STAB1: variants seen among roughly 807,000 people sequenced by gnomAD.
STAB1 encodes stabilin 1, also known as stabilin-1.
Under a neutral mutation model 332.4 loss-of-function variants are expected in STAB1, and 250 were observed. That is an observed-to-expected ratio of 0.75 (90% CI 0.68 to 0.84). The LOEUF is 0.84. Among genes scored for constraint, STAB1 ranks in the 40% least tolerant of loss-of-function variants. The pLI, the probability that STAB1 is intolerant of heterozygous loss-of-function variation, is 0.00. For missense variants in STAB1, 3,249 were observed against 3,489.7 expected (o/e 0.93, Z 1.74); for synonymous variants, 1,475 against 1,390.4 (o/e 1.06, Z -1.35).
intron 26 of STAB1, 89 bp downstream of exon 26, chr3:52,511,834 G>A: frequency 6.7e-6 from 7 of 1,051,018 alleles, no homozygotes; most frequent in Non-Finnish European, 6.8e-6. Context: ...ATCTCTGGGT[G>A]TCTCTCTGTA....
rs1341689998 is a variant in STAB1, at chr3:52,505,161, C to T, written c.1518+18C>T. The T allele has an allele frequency of 6.2e-7, 1 of 1,611,636 alleles. No homozygotes were observed. The highest frequency in any genetic ancestry group is 8.5e-7 in the Non-Finnish European group (1 of 1,179,202). On this transcript the variant is annotated intron_variant, in intron 13 of 68. Coordinates refer to ENST00000321725, the MANE Select transcript of STAB1 (RefSeq NM_015136.3). Reference sequence around the variant, plus strand: ...ATCCCAAGGTGAGCCAGCATCCTCCCCTCCCCTCCCCTGTGCTGCTGGGTA... The same window carrying T: ...ATCCCAAGGTGAGCCAGCATCCTCCTCTCCCCTCCCCTGTGCTGCTGGGTA...
Position 52,518,615 on chromosome 3 carries a change from T to C in STAB1, c.4887+2T>C. The C allele has an allele frequency of 6.2e-7, 1 of 1,608,006 alleles. No individual in the cohort carries two copies. Among genetic ancestry groups the C allele is most frequent in the Non-Finnish European group, 8.5e-7 (1 of 1,177,708 alleles). On this transcript the variant is annotated splice_donor_variant, in intron 47 of 68. Coordinates refer to ENST00000321725, the MANE Select transcript of STAB1 (RefSeq NM_015136.3). LOFTEE classifies it high-confidence loss of function. Reference sequence around the variant, plus strand: ...GATCTAATGAGCAACCTGTCGCAGGTATGCAGCCCCCAGAGCGAGGCTGGG... The same window carrying C: ...GATCTAATGAGCAACCTGTCGCAGGCATGCAGCCCCCAGAGCGAGGCTGGG...
In STAB1 at chr3:52,501,630, GC is replaced by G; in HGVS notation, c.216-3del. Reference sequence around the variant, plus strand: ...TTTTCCATCACCCTGCCCACCCTCTGCCCCCAGCTACGAAGTACAGCTGGGG... The same window carrying G: ...TTTTCCATCACCCTGCCCACCCTCTGCCCCAGCTACGAAGTACAGCTGGGG... On this transcript the variant is annotated splice_polypyrimidine_tract_variant and splice_region_variant and intron_variant, in intron 2 of 68. Coordinates refer to ENST00000321725, the MANE Select transcript of STAB1 (RefSeq NM_015136.3). 6.5e-7 allele frequency: 1 copy of G among 1,550,104 alleles called. No individual in the cohort carries two copies. Among genetic ancestry groups the G allele is most frequent in the Non-Finnish European group, 8.7e-7 (1 of 1,146,164 alleles).
chr3:52,519,411 C>G lies in STAB1; in HGVS notation c.5175+7C>G. On this transcript the variant is annotated splice_region_variant and intron_variant, in intron 49 of 68. Coordinates refer to ENST00000321725, the MANE Select transcript of STAB1 (RefSeq NM_015136.3). The stretch of plus-strand genomic sequence containing the variant: ...TGATGCTCCCATCCCGAGGGTATGA[C>G]AAGCACGGGCCTGGGAGCTGGAAGA... 1 of 1,612,918 alleles carries G rather than the reference C, an allele frequency of 6.2e-7. No individual in the cohort carries two copies. Among genetic ancestry groups the G allele is most frequent in the South Asian group, 1.1e-5 (1 of 91,064 alleles).
Position 52,524,147 on chromosome 3 carries a change from C to G in STAB1, c.7590C>G (p.Thr2530=), listed in dbSNP as rs1406773956. ...ACTTCTCACCGTGGCAAGAAGGGAC[C>G]AACCCCACCCTGGTCTCTGTCCCCA... is the stretch of plus-strand genomic sequence containing the variant. ...DDDFSPWQEG[T]NPTLVSVPNP... is the part of the protein sequence containing the mutation. Residue 2530 remains threonine (T), a synonymous_variant, in exon 68 of 69, where the codon ACC becomes ACG. Transcript: ENST00000321725. The G allele has an allele frequency of 1.2e-6, 2 of 1,614,004 alleles. No homozygotes were observed. The highest frequency in any genetic ancestry group is 1.7e-6 in the Non-Finnish European group (2 of 1,180,030).
Position 52,516,468 on chromosome 3 carries a change from G to A in STAB1, c.4240+17G>A, listed in dbSNP as rs765783402. 3 of 1,613,536 alleles carry A rather than the reference G, an allele frequency of 1.9e-6. No individual in the cohort carries two copies. The highest frequency in any genetic ancestry group is 2.5e-6 in the Non-Finnish European group (3 of 1,179,914). ...GTGACCAGAGTGAGTGGGTCCCAAT[G>A]GGGAGGGGGCAGGTGGCTACTGAGG... On this transcript the variant is annotated intron_variant, in intron 39 of 68. Transcript: ENST00000321725.
At position 52,518,825 on chromosome 3, in the gene STAB1, G is replaced by A. The variant is rs370496951; in HGVS notation, c.4990G>A (p.Ala1664Thr). ...CGAGGACCTGCTGGAGCAGGGGTACGCCACGGCCCTCTCAGGGCACCCACT... is the reference window on the plus strand; with the variant it reads ...CGAGGACCTGCTGGAGCAGGGGTACACCACGGCCCTCTCAGGGCACCCACT... Reference protein sequence around the residue: ...RSEDLLEQGYATALSGHPLRF... With the variant: ...RSEDLLEQGYTTALSGHPLRF... Residue 1664 changes from alanine to threonine, a missense_variant, in exon 48 of 69, where the codon GCC (alanine) becomes ACC (threonine). Transcript: ENST00000321725. 1.9e-6 allele frequency: 3 copies of A among 1,609,500 alleles called. No individual in the cohort carries two copies. The highest frequency in any genetic ancestry group is 2.2e-5 in the East Asian group (1 of 44,828).
chr3:52,503,946 C>A (rs762901138), intron 9 of STAB1, 44 bp downstream of exon 9: 11 of 1,601,686 alleles, frequency 6.9e-6, no homozygotes, highest in South Asian at 2.2e-5. Context: ...GTTGGGCAAG[C>A]GTGCCCTCTG....
rs965032828 is a variant in STAB1 at position 52,506,002 on chromosome 3, T to C, written c.1749+66T>C. ...GTGGGCCTGCCTGCAGGTTCTGGAC[T>C]TCCCCAAGGCCCCATCTCTTCTCCA... On this transcript the variant is annotated intron_variant, in intron 16 of 68. Transcript: ENST00000321725. The C allele has an allele frequency of 1.7e-4, 271 of 1,592,844 alleles. No homozygotes were observed. The African/African-American group carries it at 3.3e-3, about 19-fold the overall frequency.
In STAB1 at chr3:52,523,982, G is replaced by A. The variant is rs749184502; in HGVS notation, c.7507G>A (p.Gly2503Ser). Reference sequence around the variant, plus strand: ...CGGAGCTCTCTACCTCCGTGCCCGAGGCAAGCCCATGGGCTTTGGCTTCTC... The same window carrying A: ...CGGAGCTCTCTACCTCCGTGCCCGAAGCAAGCCCATGGGCTTTGGCTTCTC... ...VAGALYLRAR[G>S]KPMGFGFSAF... is the part of the protein sequence containing the mutation. The change falls in exon 67 of 69, where the codon GGC (glycine) becomes AGC (serine). Residue 2503 changes from glycine to serine, a missense_variant. Coordinates refer to ENST00000321725, the MANE Select transcript of STAB1 (RefSeq NM_015136.3). 6.8e-6 allele frequency: 11 copies of A among 1,611,940 alleles called. No homozygotes were observed. In the East Asian group the frequency reaches 1.8e-4, roughly 26 times the overall value.
chr3:52,516,508 T>A, intron 39 of STAB1, 34 bp from the exon 40 acceptor site: 1 of 1,613,324 alleles, frequency 6.2e-7, no homozygotes, highest in South Asian at 1.1e-5. Context: ...TGTTCCTGGG[T>A]CTGAATGACC....
At chr3:52,520,575 C>A (rs970589357) in intron 53 of STAB1, 26 bp downstream of exon 53, 2 of 1,610,772 alleles carry the variant, frequency 1.2e-6, no homozygotes, top group Non-Finnish European at 1.7e-6. Context: ...GGCAGACGGG[C>A]AGAAGCCCAC....
In STAB1 at chr3:52,524,434, G is replaced by C. The variant is rs1039223621; in HGVS notation, c.*78G>C. 6.2e-7 allele frequency: 1 copy of C among 1,611,996 alleles called. No homozygotes were observed. Among genetic ancestry groups the C allele is most frequent in the Non-Finnish European group, 8.5e-7 (1 of 1,179,264 alleles). ...GCTTGTCTGGGTGGATGGGGCAGGA[G>C]GGGCTGAGGGCCTGTCCCAGACAAT... On this transcript the variant is annotated 3_prime_UTR_variant, in exon 69 of 69. Transcript: ENST00000321725.
chr3:52,508,058 T>G (rs1368370175), intron 20 of STAB1, 32 bp downstream of exon 20: 2 of 1,601,164 alleles, frequency 1.2e-6, no homozygotes, highest in Non-Finnish European at 1.7e-6. Context: ...CACTCCCAGG[T>G]CACCTGGGCA....
At chr3:52,510,089 G>C (rs377210636) in intron 23 of STAB1, 33 bp downstream of exon 23, 26 of 1,613,394 alleles carry the variant, frequency 1.6e-5, no homozygotes, top group Non-Finnish European at 2.0e-5. Flanking sequence ...TGCCCCACCC[G>C]TGACCTTTCA....
At chr3:52,500,710 A>G (rs1034092707) in intron 1 of STAB1, among the ~76,000 whole-genome samples, 2 of 152,214 alleles carry the variant, frequency 1.3e-5, no homozygotes, top group African/African-American at 4.8e-5. Flanking sequence ...TTTAAACAAA[A>G]GGCAAAAGTG....
At chr3:52,514,933 G>A in intron 35 of STAB1, 56 bp from the exon 36 acceptor site, 1 of 1,612,438 alleles carries the variant, frequency 6.2e-7, no homozygotes, top group Non-Finnish European at 8.5e-7. Flanking sequence ...CTGTCCTGGA[G>A]GAAGGGCAGG....
chr3:52,506,451 G>C (rs965997352), intron 17 of STAB1, among the ~76,000 whole-genome samples: 2 of 152,242 alleles, frequency 1.3e-5, no homozygotes, highest in African/African-American at 4.8e-5. Context: ...CTCCAAAAAG[G>C]AGCATGGAGC....
At chr3:52,507,278 C>T (rs113825464) in intron 18 of STAB1, among the ~76,000 whole-genome samples, 56 of 152,362 alleles carry the variant, frequency 3.7e-4, no homozygotes, top group Middle Eastern at 6.8e-3. Context: ...CCTCTGACCT[C>T]AGGTGATCCG....
Sources: allele counts gnomAD v4.1 joint callset (sites outside exome capture counted in the v4.1 genomes callset), GRCh38; gene constraint gnomAD v4.1.1; transcripts MANE v1.5; gene names NCBI Gene and HGNC (gene_info 2026-07-23, HGNC 2026-07-21).